AKAP12: variants seen among roughly 807,000 people sequenced by gnomAD.
AKAP12 encodes A-kinase anchor protein 12.
In AKAP12, 32 loss-of-function variants were observed where a neutral mutation model predicts 79.9. That is an observed-to-expected ratio of 0.40 (90% confidence interval 0.30 to 0.54). The LOEUF (loss-of-function observed/expected upper bound fraction) is 0.54, where lower values mean the gene tolerates loss of function less well. Ranked by LOEUF, AKAP12 falls within the 20% of genes least tolerant of loss-of-function variation. The pLI is 0.48. For missense variants in AKAP12, 2,074 were observed against 2,177.0 expected (o/e 0.95, Z 0.94); for synonymous variants, 808 against 857.0 (o/e 0.94, Z 1.00).
intron 3 of AKAP12, among the ~76,000 whole-genome samples, chr6:151,342,185 G>A (rs1201962642): frequency 6.6e-6 from 1 of 152,250 alleles, no homozygotes; most frequent in African/African-American, 2.4e-5. Flanking sequence ...CCTGGAGGCC[G>A]GCAAAGTGTG....
intron 2 of AKAP12, among the ~76,000 whole-genome samples, chr6:151,253,586 GGCCTATCTACTTT>G (rs1215741035): frequency 6.6e-6 from 1 of 152,112 alleles, no homozygotes; most frequent in Non-Finnish European, 1.5e-5. Context: ...AACCTTAGGT[GGCCTATCTACTTT>G]GAACTTACAC....
At chr6:151,343,782 C>CAAAAAAAG (rs143767480) in intron 3 of AKAP12, among the ~76,000 whole-genome samples, 1 of 150,000 alleles carries the variant, frequency 6.7e-6, no homozygotes, top group South Asian at 2.1e-4. Context: ...AAGACTGGTT[C>CAAAAAAAG]AAAAAAAGAA....
At chr6:151,275,018 C>T (rs1305113521) in intron 2 of AKAP12, among the ~76,000 whole-genome samples, 6 of 152,042 alleles carry the variant, frequency 3.9e-5, no homozygotes, top group African/African-American at 1.4e-4. Flanking sequence ...GCGGGAGGAT[C>T]GATTGAGCCT....
At position 151,348,975 on chromosome 6, in the gene AKAP12, C is replaced by G. The variant is rs1778192112; in HGVS notation, c.584C>G (p.Thr195Ser). 2 of 1,614,024 alleles carry G rather than the reference C, an allele frequency of 1.2e-6. No homozygotes were observed. The highest frequency in any genetic ancestry group is 1.7e-6 in the Non-Finnish European group (2 of 1,180,054). The change falls in exon 4 of 5, where the codon ACT becomes AGT. Residue 195 changes from threonine to serine, a missense_variant. Thr to Ser is a moderately conservative substitution (Grantham distance 58). Coordinates refer to ENST00000402676, the MANE Select transcript of AKAP12 (RefSeq NM_005100.4). ...VKKDKTEKPDTVQLLTVKKDE... is the reference protein window; with the variant it reads ...VKKDKTEKPDSVQLLTVKKDE... ...AAGGATAAGACAGAGAAGCCTGACA[C>G]TGTCCAGCTACTCACTGTGAAGAAA...
intron 4 of AKAP12, among the ~76,000 whole-genome samples, chr6:151,353,999 GAATAA>G (rs1778373287): frequency 6.6e-6 from 1 of 152,114 alleles, no homozygotes; most frequent in African/African-American, 2.4e-5. Context: ...GACTGCTTTA[GAATAA>G]AATAAAACGG....
chr6:151,304,752 TATTATTA>T (rs1776940915), intron 2 of AKAP12, among the ~76,000 whole-genome samples: 1 of 151,602 alleles, frequency 6.6e-6, no homozygotes, highest in Non-Finnish European at 1.5e-5. Context: ...AATTTTTTTG[TATTATTA>T]GTAGAGACGG....
rs749264373 is a variant in AKAP12, at chr6:151,353,464, A to G, written c.5073A>G (p.Ser1691=). The change falls in exon 4 of 5, where the codon TCA becomes TCG. Residue 1691 remains serine, a synonymous_variant. Coordinates refer to ENST00000402676, the MANE Select transcript of AKAP12 (RefSeq NM_005100.4). The part of the protein sequence containing the change: ...HALLAERIEK[S]LVEPKEDEKG... ...TGTTAGCAGAAAGAATAGAGAAGTC[A>G]CTAGTTGAACCGAAAGAAGATGAAA... 1 of 1,614,188 alleles carries G rather than the reference A, an allele frequency of 6.2e-7. No individual in the cohort carries two copies. Among genetic ancestry groups the G allele is most frequent in the Admixed American group, 1.7e-5 (1 of 60,016 alleles).
intron 2 of AKAP12, among the ~76,000 whole-genome samples, chr6:151,263,072 C>T (rs1469031315): frequency 6.6e-6 from 1 of 152,110 alleles, no homozygotes; most frequent in Non-Finnish European, 1.5e-5. Context: ...GGGTGTCACT[C>T]TTGCCCAGGC....
intron 2 of AKAP12, among the ~76,000 whole-genome samples, chr6:151,260,708 T>G (rs372500623): frequency 1.1e-4 from 16 of 152,090 alleles, no homozygotes; most frequent in African/African-American, 3.4e-4. Flanking sequence ...ATTTTTCTCT[T>G]TATTTTGGGT....
chr6:151,252,101 T>C (rs1797189217), intron 2 of AKAP12, among the ~76,000 whole-genome samples: 1 of 152,204 alleles, frequency 6.6e-6, no homozygotes, highest in East Asian at 1.9e-4. Context: ...ATTTCTCTAA[T>C]AGTGGTCTGC....
chr6:151,248,496 A>G (rs547993685), intron 2 of AKAP12, among the ~76,000 whole-genome samples: 1 of 152,224 alleles, frequency 6.6e-6, no homozygotes, highest in South Asian at 2.1e-4. Flanking sequence ...TAAGAGCTGA[A>G]TAAGGGCCAG....
chr6:151,267,014 C>CAAAAAAAAA (rs34974747), intron 2 of AKAP12, among the ~76,000 whole-genome samples: 1 of 35,346 alleles, frequency 2.8e-5, no homozygotes, highest in African/African-American at 7.5e-5. Flanking sequence ...GACTCCATCT[C>CAAAAAAAAA]AAAAAAAAAA....
chr6:151,285,959 C>T (rs908868964), intron 2 of AKAP12, among the ~76,000 whole-genome samples: 4 of 151,404 alleles, frequency 2.6e-5, no homozygotes, highest in East Asian at 1.9e-4. Flanking sequence ...TTCTCTGCAA[C>T]CTTCGCCTCC....
chr6:151,326,972 A>G (rs2114787705), intron 3 of AKAP12, among the ~76,000 whole-genome samples: 1 of 152,098 alleles, frequency 6.6e-6, no homozygotes, highest in Non-Finnish European at 1.5e-5. Flanking sequence ...ACGTGCCACC[A>G]CGCCCAGATA....
intron 3 of AKAP12, among the ~76,000 whole-genome samples, chr6:151,313,268 A>T (rs1017490725): frequency 1.3e-5 from 2 of 152,210 alleles, no homozygotes; most frequent in African/African-American, 2.4e-5. Flanking sequence ...TAACGCTATC[A>T]AACACAAGTG....
chr6:151,323,687 G>A, intron 3 of AKAP12: 1 of 984,686 alleles, frequency 1.0e-6, no homozygotes, highest in South Asian at 4.7e-5. Flanking sequence ...TGTGTAACTA[G>A]TGACATTTTG....
intron 3 of AKAP12, among the ~76,000 whole-genome samples, chr6:151,326,206 A>G (rs1777522157): frequency 6.6e-6 from 1 of 152,212 alleles, no homozygotes; most frequent in Non-Finnish European, 1.5e-5. Flanking sequence ...GTGGAGAGGA[A>G]CAACAGCAGC....
chr6:151,329,198 T>A (rs1308680712), intron 3 of AKAP12, among the ~76,000 whole-genome samples: 1 of 151,958 alleles, frequency 6.6e-6, no homozygotes, highest in Non-Finnish European at 1.5e-5. Flanking sequence ...CACTGCAACC[T>A]CCACCTCCCG....
At chr6:151,259,771 T>G (rs1797382524) in intron 2 of AKAP12, among the ~76,000 whole-genome samples, 1 of 151,794 alleles carries the variant, frequency 6.6e-6, no homozygotes, top group African/African-American at 2.4e-5. Context: ...GACATGGGGT[T>G]TCAGCATGTT....
Sources: gnomAD v4.1 joint callset for allele counts (sites outside exome capture counted in the v4.1 genomes callset) on GRCh38, gnomAD v4.1.1 for gene constraint, MANE v1.5 for transcripts, NCBI Gene and HGNC (gene_info 2026-07-23, HGNC 2026-07-21) for gene names.